MACO1: variants seen among roughly 807,000 people sequenced by gnomAD.
MACO1 encodes macoilin.
MACO1 carries 14 observed loss-of-function variants against 78.7 expected under a neutral mutation model. The observed-to-expected ratio is 0.18, with a 90% confidence interval of 0.12 to 0.28. MACO1 has a LOEUF of 0.28. MACO1 is among the 10% of genes least tolerant of loss of function. The probability of loss-of-function intolerance (pLI) is 1.00; values close to 1 mark genes in which losing one functional copy is unlikely to be tolerated. For synonymous variants in MACO1, 288 were observed against 291.6 expected, an observed-to-expected ratio of 0.99 and a Z score of 0.12; for missense variants, 501 against 799.0, an observed-to-expected ratio of 0.63 and a Z score of 4.50.
At position 25,485,224 on chromosome 1, in the gene MACO1, C is replaced by T. The variant is rs950993212; in HGVS notation, c.1314-389C>T. 6.6e-6 allele frequency among the ~76,000 whole-genome samples: 1 copy of T among 152,174 alleles called. No individual in the cohort carries two copies. Among genetic ancestry groups the T allele is most frequent in the Non-Finnish European group, 1.5e-5 (1 of 68,026 alleles). ...CTTTCCACCCCTTACCTTAGTTTCA[C>T]TGGGGCTGGTCCCATCAGTGGTTCT... On this transcript the variant is annotated intron_variant, in intron 7 of 10. Coordinates refer to ENST00000374343, the MANE Select transcript of MACO1 (RefSeq NM_018202.6). This position sits in a 1 kb window ranked among gnomAD's most constrained non-coding sequence, Gnocchi z 4.3.
chr1:25,470,405 A>G (rs1188702925), intron 6 of MACO1, among the ~76,000 whole-genome samples: 1 of 152,230 alleles, frequency 6.6e-6, no homozygotes, highest in Non-Finnish European at 1.5e-5. Flanking sequence ...GTTAATAGGC[A>G]TGAAGCAAGA....
intron 1 of MACO1, 85 bp downstream of exon 1, chr1:25,431,263 C>T: frequency 9.4e-7 from 1 of 1,061,140 alleles, no homozygotes; most frequent in Non-Finnish European, 1.3e-6. Context: ...TATGTAACCC[C>T]GAGTAGGCCG....
intron 6 of MACO1, among the ~76,000 whole-genome samples, chr1:25,479,987 G>A (rs375357081): frequency 1.5e-4 from 23 of 152,222 alleles, no homozygotes; most frequent in African/African-American, 4.6e-4. Context: ...TGAGCAGTTC[G>A]TCTGGATAAG....
At chr1:25,442,153 A>G (rs1350511418) in intron 1 of MACO1, among the ~76,000 whole-genome samples, 1 of 152,230 alleles carries the variant, frequency 6.6e-6, no homozygotes, top group Non-Finnish European at 1.5e-5. Flanking sequence ...TCCAGAGACC[A>G]ATACTTTGAT....
intron 3 of MACO1, among the ~76,000 whole-genome samples, chr1:25,451,970 A>G (rs1175184057): frequency 2.0e-5 from 3 of 152,096 alleles, no homozygotes; most frequent in African/African-American, 7.2e-5. Context: ...AGAAAAGGAA[A>G]AAAAGTACCT....
rs1025602949 is a variant in MACO1, at chr1:25,485,553, A to C, written c.1314-60A>C. The C allele has an allele frequency of 1.7e-5, 26 of 1,532,186 alleles. No individual in the cohort carries two copies. The highest frequency in any genetic ancestry group is 1.5e-4 in the South Asian group (12 of 79,896). The allele number at this position is 1,532,186 out of a possible 1,614,324, so 94.9% of individuals were successfully genotyped here. A position where few individuals can be genotyped will look rare whatever the true frequency, so the allele number is the denominator to read the frequency against. On this transcript the variant is annotated intron_variant, in intron 7 of 10. Coordinates refer to ENST00000374343, the MANE Select transcript of MACO1 (RefSeq NM_018202.6). The surrounding 1 kb of genome is among the most constrained non-coding windows in gnomAD (Gnocchi z 4.3). ...TTAAGGTGATAAAGAGATGTTTCTC[A>C]AGGGTTTATAGTGGGCATTTGTAAT...
chr1:25,489,559 T>G (rs2043465962), intron 9 of MACO1, among the ~76,000 whole-genome samples: 1 of 152,140 alleles, frequency 6.6e-6, no homozygotes, highest in South Asian at 2.1e-4. Flanking sequence ...TTGCTGTAGA[T>G]TCATTTAACT....
In MACO1 at chr1:25,485,798, A is replaced by G. The variant is rs538053782; in HGVS notation, c.1496+3A>G. On this transcript the variant is annotated splice_donor_region_variant and intron_variant, in intron 8 of 10. Transcript: ENST00000374343. The surrounding 1 kb of genome is among the most constrained non-coding windows in gnomAD (Gnocchi z 4.3). ...GTTGCGTTTGCTGCTGCATCTAGGT[A>G]TGTCCATGTCACCTGAGTGTTTAAT... 5 of 1,605,570 alleles carry G rather than the reference A, an allele frequency of 3.1e-6. 1 individual carries two copies. In the East Asian group the frequency reaches 8.9e-5, roughly 29 times the overall value.
intron 10 of MACO1, among the ~76,000 whole-genome samples, chr1:25,494,944 G>A (rs1205745285): frequency 6.6e-6 from 1 of 152,228 alleles, no homozygotes; most frequent in African/African-American, 2.4e-5. Flanking sequence ...TGAGAAGTTA[G>A]TGAAGCGCAG....
At chr1:25,441,616 T>C (rs1175209972) in intron 1 of MACO1, among the ~76,000 whole-genome samples, 1 of 152,252 alleles carries the variant, frequency 6.6e-6, no homozygotes, top group Non-Finnish European at 1.5e-5. Context: ...ATCCGAACAG[T>C]TAATTACACA....
chr1:25,442,383 A>G (rs2042980351), intron 1 of MACO1, among the ~76,000 whole-genome samples: 1 of 152,184 alleles, frequency 6.6e-6, no homozygotes, highest in Non-Finnish European at 1.5e-5. Context: ...TGGGATTGAG[A>G]TGGATGGCTA....
chr1:25,462,004 C>T (rs1214786161), intron 6 of MACO1, among the ~76,000 whole-genome samples: 3 of 152,084 alleles, frequency 2.0e-5, no homozygotes, highest in South Asian at 2.1e-4. Context: ...CTTCCTTAGC[C>T]GTCGCCTCTG....
At chr1:25,434,542 A>T (rs1557655694) in intron 1 of MACO1, among the ~76,000 whole-genome samples, 1 of 152,180 alleles carries the variant, frequency 6.6e-6, no homozygotes, top group Non-Finnish European at 1.5e-5. Flanking sequence ...AAAGAACTTT[A>T]AGTTCTGTTC....
chr1:25,462,830 T>C (rs960211993), intron 6 of MACO1, among the ~76,000 whole-genome samples: 8 of 59,620 alleles, frequency 1.3e-4, no homozygotes, highest in Non-Finnish European at 3.6e-4. Flanking sequence ...CTCTCTCAGC[T>C]CCAGGGATAT....
At chr1:25,475,887 C>T (rs2043317812) in intron 6 of MACO1, among the ~76,000 whole-genome samples, 1 of 152,160 alleles carries the variant, frequency 6.6e-6, no homozygotes, top group Non-Finnish European at 1.5e-5. Flanking sequence ...CAGACTCTAT[C>T]ATGAGCATTC....
Position 25,499,247 on chromosome 1 carries a change from A to G in MACO1, c.*781A>G, listed in dbSNP as rs1282947479. 1.3e-5 allele frequency: 2 copies of G among 152,150 alleles called. No homozygotes were observed. The highest frequency in any genetic ancestry group is 2.4e-5 in the African/African-American group (1 of 41,412). 9.4% of individuals were successfully genotyped at this position (152,150 alleles called of 1,614,324 possible). A position where few individuals can be genotyped will look rare whatever the true frequency, so the allele number is the denominator to read the frequency against. On this transcript the variant is annotated 3_prime_UTR_variant, in exon 11 of 11. Coordinates refer to ENST00000374343, the MANE Select transcript of MACO1 (RefSeq NM_018202.6). ...TCTATCCTCTATCTGTATCAAGCTC[A>G]CTGCGGATCCTGCTGTAAAACTGGT... is the stretch of plus-strand genomic sequence containing the variant.
intron 3 of MACO1, among the ~76,000 whole-genome samples, chr1:25,449,392 A>G (rs1303456464): frequency 1.3e-5 from 2 of 152,202 alleles, no homozygotes; most frequent in African/African-American, 2.4e-5. Flanking sequence ...GTGACAAGGA[A>G]CTTACCTACT....
chr1:25,475,791 A>G (rs2043316892), intron 6 of MACO1, among the ~76,000 whole-genome samples: 1 of 152,186 alleles, frequency 6.6e-6, no homozygotes, highest in Non-Finnish European at 1.5e-5. Flanking sequence ...ACTATTTTAT[A>G]TCCTCCCAGC....
At chr1:25,475,096 G>A (rs750947895) in intron 6 of MACO1, among the ~76,000 whole-genome samples, 49 of 152,098 alleles carry the variant, frequency 3.2e-4, no homozygotes, top group Admixed American at 4.6e-4. Flanking sequence ...TGTAATCCCA[G>A]CACTTTGGGA....
Sources: allele counts gnomAD v4.1 joint callset (sites outside exome capture counted in the v4.1 genomes callset), GRCh38; gene constraint gnomAD v4.1.1; non-coding constraint Gnocchi (gnomAD v3.1); transcripts MANE v1.5; gene names NCBI Gene and HGNC (gene_info 2026-07-23, HGNC 2026-07-21).